Variants in ARMC3 observed in about 807,000 individuals in gnomAD.
ARMC3 encodes armadillo repeat-containing protein 3.
In ARMC3, 74 loss-of-function variants were observed where a neutral mutation model predicts 90.3. The ratio of observed to expected loss-of-function variants is 0.82; its 90% CI spans 0.68 to 0.99. The LOEUF (loss-of-function observed/expected upper bound fraction) is 0.99. ARMC3 is among the 50% of genes least tolerant of loss of function. The probability of loss-of-function intolerance (pLI) is 0.00; values close to 1 mark genes in which losing one functional copy is unlikely to be tolerated. For missense variants in ARMC3, 958 were observed against 1,042.8 expected (o/e 0.92, Z 1.12); for synonymous variants, 334 against 361.8 (o/e 0.92, Z 0.87).
intron 1 of ARMC3, among the ~76,000 whole-genome samples, chr10:22,931,387 T>C (rs1833925214): frequency 2.0e-5 from 3 of 152,242 alleles, no homozygotes; most frequent in African/African-American, 4.8e-5. Flanking sequence ...GATTTTTTAA[T>C]TGCTTTTTTA....
chr10:23,007,736 G>A (rs1044499502), intron 14 of ARMC3, among the ~76,000 whole-genome samples: 9 of 149,596 alleles, frequency 6.0e-5, no homozygotes, highest in Non-Finnish European at 1.3e-4. Context: ...GCGAGAGATC[G>A]TGTATATCTA....
chr10:23,036,810 A>T (rs1271392951), intron 18 of ARMC3, among the ~76,000 whole-genome samples: 4 of 152,234 alleles, frequency 2.6e-5, no homozygotes. Flanking sequence ...CCCTAGGACC[A>T]GGCACCCACA....
chr10:22,949,890 A>T (rs1834676229), intron 3 of ARMC3, among the ~76,000 whole-genome samples: 1 of 152,158 alleles, frequency 6.6e-6, no homozygotes, highest in South Asian at 2.1e-4. Flanking sequence ...ACATTCAAAT[A>T]AAGATAAGGA....
intron 8 of ARMC3, among the ~76,000 whole-genome samples, chr10:22,974,121 T>A (rs2952405): frequency 0.34 from 51,022 of 152,010 alleles, 9,366 homozygotes; most frequent in East Asian, 0.5. Context: ...CTGATTTTTT[T>A]AAATCTCACT....
At chr10:23,035,001 T>C (rs181149790) in intron 18 of ARMC3, among the ~76,000 whole-genome samples, 1 of 152,240 alleles carries the variant, frequency 6.6e-6, no homozygotes, top group South Asian at 2.1e-4. Context: ...TGAGCTGCTA[T>C]AACAAAATAC....
At chr10:22,973,758 T>C (rs1042679179) in intron 8 of ARMC3, among the ~76,000 whole-genome samples, 2 of 135,022 alleles carry the variant, frequency 1.5e-5, no homozygotes, top group South Asian at 2.5e-4. Flanking sequence ...TCTTTCTTTT[T>C]TTTTTTTTTT....
At chr10:22,941,465 T>A (rs1351940195) in intron 2 of ARMC3, among the ~76,000 whole-genome samples, 2 of 152,130 alleles carry the variant, frequency 1.3e-5, no homozygotes, top group Non-Finnish European at 2.9e-5. Context: ...GAAGAGATTA[T>A]TAATAATATA....
At chr10:22,947,316 C>A (rs1488033989) in intron 3 of ARMC3, among the ~76,000 whole-genome samples, 1 of 128,938 alleles carries the variant, frequency 7.8e-6, no homozygotes, top group East Asian at 2.0e-4. Flanking sequence ...AAAAAACAAA[C>A]CAACCAACCA....
chr10:23,036,633 C>T (rs959263314), intron 18 of ARMC3, among the ~76,000 whole-genome samples: 4 of 152,154 alleles, frequency 2.6e-5, no homozygotes, highest in African/African-American at 9.7e-5. Flanking sequence ...TAATCCAGAC[C>T]CAGGCAGGCT....
intron 3 of ARMC3, among the ~76,000 whole-genome samples, chr10:22,954,468 C>A (rs998295079): frequency 1.3e-5 from 2 of 151,202 alleles, no homozygotes; most frequent in South Asian, 4.2e-4. Context: ...TTGAGACCAG[C>A]CTGGGAAACA....
chr10:22,946,026 G>A (rs1456523979), intron 2 of ARMC3, 118 bp from the exon 3 acceptor site: 16 of 655,380 alleles, frequency 2.4e-5, no homozygotes, highest in Non-Finnish European at 4.1e-5. Flanking sequence ...CACTTATTGG[G>A]CAGTGACCAC....
intron 16 of ARMC3, among the ~76,000 whole-genome samples, chr10:23,021,936 A>C (rs1208947842): frequency 6.6e-6 from 1 of 152,052 alleles, no homozygotes; most frequent in African/African-American, 2.4e-5. Flanking sequence ...TTCCCTTAGC[A>C]GTATCTTTCT....
At chr10:23,024,949 T>C (rs1399994490) in intron 16 of ARMC3, among the ~76,000 whole-genome samples, 1 of 152,152 alleles carries the variant, frequency 6.6e-6, no homozygotes, top group Non-Finnish European at 1.5e-5. Context: ...GAGTGGGTTT[T>C]AAAATATCTT....
At chr10:23,010,664 C>A (rs1261820138) in intron 16 of ARMC3, among the ~76,000 whole-genome samples, 1 of 120,642 alleles carries the variant, frequency 8.3e-6, no homozygotes, top group African/African-American at 3.2e-5. Flanking sequence ...CTCCTCTCCT[C>A]TCCTTCCTTT....
At chr10:22,978,540 T>A (rs981240045) in intron 8 of ARMC3, among the ~76,000 whole-genome samples, 15 of 152,202 alleles carry the variant, frequency 9.9e-5, no homozygotes, top group African/African-American at 3.6e-4. Context: ...CCAAACCATA[T>A]CATTTGTCTA....
At chr10:22,936,506 T>C (rs1017961154) in intron 2 of ARMC3, among the ~76,000 whole-genome samples, 1 of 152,234 alleles carries the variant, frequency 6.6e-6, no homozygotes, top group South Asian at 2.1e-4. Context: ...GCCACTCTAA[T>C]TGACTGGGCT....
intron 16 of ARMC3, among the ~76,000 whole-genome samples, chr10:23,016,303 T>C (rs11013244): frequency 0.53 from 81,225 of 152,140 alleles, 23,087 homozygotes; most frequent in Non-Finnish European, 0.62. Flanking sequence ...CCTAAAATTA[T>C]GTATTTCAAT....
chr10:22,987,383 G>C (rs890186910), intron 10 of ARMC3, among the ~76,000 whole-genome samples: 1 of 152,142 alleles, frequency 6.6e-6, no homozygotes, highest in Non-Finnish European at 1.5e-5. Flanking sequence ...AGTTTAAGTT[G>C]TTCCAAGAAG....
At chr10:23,030,883 C>T in intron 17 of ARMC3, 87 bp downstream of exon 17, 3 of 1,396,732 alleles carry the variant, frequency 2.1e-6, no homozygotes, top group East Asian at 4.9e-5. Context: ...GACAAATACA[C>T]CATAAATAAA....
Sources: gnomAD v4.1 joint callset for allele counts (sites outside exome capture counted in the v4.1 genomes callset) on GRCh38, gnomAD v4.1.1 for gene constraint, MANE v1.5 for transcripts, NCBI Gene and HGNC (gene_info 2026-07-23, HGNC 2026-07-21) for gene names.